Variants in CNTNAP5 observed in about 807,000 individuals in gnomAD.
CNTNAP5 encodes contactin associated protein family member 5.
A neutral mutation model predicts 150.2 loss-of-function variants in CNTNAP5; 72 were observed. The ratio of observed to expected loss-of-function variants is 0.48; its 90% confidence interval spans 0.40 to 0.58. The LOEUF (loss-of-function observed/expected upper bound fraction) is 0.58, where lower values mean the gene tolerates loss of function less well. CNTNAP5 is among the 20% of genes least tolerant of loss of function. The pLI is 0.00. For synonymous variants in CNTNAP5, 672 were observed against 619.8 expected, an observed-to-expected ratio of 1.08 and a Z score of -1.25; for missense variants, 1,636 against 1,626.2, an observed-to-expected ratio of 1.01 and a Z score of -0.10.
At chr2:124,371,961 A>G (rs930533478) in intron 3 of CNTNAP5, among the ~76,000 whole-genome samples, 2 of 151,992 alleles carry the variant, frequency 1.3e-5, no homozygotes, top group Non-Finnish European at 2.9e-5. Flanking sequence ...GTGAAGCATT[A>G]TATCTGGTGT....
intron 19 of CNTNAP5, among the ~76,000 whole-genome samples, chr2:124,823,227 G>A (rs1682527286): frequency 6.6e-6 from 1 of 152,122 alleles, no homozygotes; most frequent in Non-Finnish European, 1.5e-5. Flanking sequence ...ATTTCCTTGT[G>A]GGATGATTCT....
Position 124,280,487 on chromosome 2 carries a change from TG to T in CNTNAP5, c.381+38095del, listed in dbSNP as rs1687985532. Among the ~76,000 whole-genome samples the T allele has an allele frequency of 3.3e-5, 5 of 152,050 alleles. No individual in the cohort carries two copies. The South Asian group carries it at 1.0e-3, about 32-fold the overall frequency. On this transcript the variant is annotated intron_variant, in intron 3 of 23. Coordinates refer to ENST00000682447, the MANE Select transcript of CNTNAP5 (RefSeq NM_001367498.1). ...ACCCAGTCACTGTGATTATTTTTTT[TG>T]CCACAAGTTTTCTACACCACCAGTG...
chr2:124,399,647 T>C (rs1489919069), intron 3 of CNTNAP5, among the ~76,000 whole-genome samples: 1 of 152,128 alleles, frequency 6.6e-6, no homozygotes, highest in Non-Finnish European at 1.5e-5. Flanking sequence ...CAATTAAATG[T>C]AAAGGATGGC....
chr2:124,655,989 A>AAGAAAGAAAGAAAGAT, intron 13 of CNTNAP5, among the ~76,000 whole-genome samples: 1 of 149,614 alleles, frequency 6.7e-6, no homozygotes, highest in Admixed American at 6.7e-5. Context: ...GAAAGAAAGA[A>AAGAAAGAAAGAAAGAT]AGAAAGAAAA....
chr2:124,271,669 CT>C (rs549411468), intron 3 of CNTNAP5, among the ~76,000 whole-genome samples: 156 of 116,532 alleles, frequency 1.3e-3, no homozygotes, highest in Non-Finnish European at 2.5e-3. Flanking sequence ...ATCTATCTAT[CT>C]ATCTATCTAT....
intron 13 of CNTNAP5, among the ~76,000 whole-genome samples, chr2:124,709,143 A>G (rs1056610894): frequency 2.6e-5 from 4 of 152,130 alleles, no homozygotes; most frequent in Admixed American, 6.6e-5. Flanking sequence ...CTCTGCTGCA[A>G]TCAGAACTCT....
In CNTNAP5 at chr2:124,479,323, T is replaced by C. The variant is rs193074542; in HGVS notation, c.1062+4441T>C. Reference sequence around the variant, plus strand: ...TGCACTCCATCAGAAATGATGCTTTTTTTGAGCTGTCCTTTCTGAGTCTTC... The same window carrying C: ...TGCACTCCATCAGAAATGATGCTTTCTTTGAGCTGTCCTTTCTGAGTCTTC... On this transcript the variant is annotated intron_variant, in intron 7 of 23. Coordinates refer to ENST00000682447, the MANE Select transcript of CNTNAP5 (RefSeq NM_001367498.1). Among the ~76,000 whole-genome samples, 231 of 152,274 alleles carry C rather than the reference T, an allele frequency of 1.5e-3. 2 individuals carry two copies. Among genetic ancestry groups the C allele is most frequent in the Non-Finnish European group, 2.9e-4 (20 of 68,026 alleles).
Position 124,523,941 on chromosome 2 carries a change from A to G in CNTNAP5, c.1328-362A>G, listed in dbSNP as rs116436698. On this transcript the variant is annotated intron_variant, in intron 8 of 23. Coordinates refer to ENST00000682447, the MANE Select transcript of CNTNAP5 (RefSeq NM_001367498.1). ...CCACTCAGTTAAAATTGCTGGTAAT[A>G]TTTTGAGTTCGTTTATTTTTGTTTT... is the stretch of plus-strand genomic sequence containing the variant. Among the ~76,000 whole-genome samples the G allele has an allele frequency of 1.1e-3, 167 of 149,926 alleles. 1 individual carries two copies. Among genetic ancestry groups the G allele is most frequent in the Middle Eastern group, 3.4e-3 (1 of 292 alleles).
chr2:124,742,335 T>G (rs1281129309), intron 13 of CNTNAP5, among the ~76,000 whole-genome samples: 1 of 151,392 alleles, frequency 6.6e-6, no homozygotes, highest in Non-Finnish European at 1.5e-5. Context: ...AGAAAGACAC[T>G]GAACATTTGA....
At chr2:124,786,456 A>AAGG (rs1681592024) in intron 17 of CNTNAP5, among the ~76,000 whole-genome samples, 1 of 118,336 alleles carries the variant, frequency 8.5e-6, no homozygotes, top group Admixed American at 7.8e-5. Flanking sequence ...GGAAAGAAAG[A>AAGG]AAGAAAGAAA....
rs1687437912 is a variant in CNTNAP5 at position 124,260,946 on chromosome 2, A to G, written c.381+18553A>G. On this transcript the variant is annotated intron_variant, in intron 3 of 23. Coordinates refer to ENST00000682447, the MANE Select transcript of CNTNAP5 (RefSeq NM_001367498.1). ...TGAAAAATGACTGTATTTACCAAAT[A>G]ATTATTCCCTTTTAATATGTCATTT... Among the ~76,000 whole-genome samples, 4 of 152,142 alleles carry G rather than the reference A, an allele frequency of 2.6e-5. No individual in the cohort carries two copies. The South Asian group carries it at 6.2e-4, about 24-fold the overall frequency.
At chr2:124,510,915 A>G (rs1694572759) in intron 8 of CNTNAP5, among the ~76,000 whole-genome samples, 2 of 152,184 alleles carry the variant, frequency 1.3e-5, no homozygotes, top group South Asian at 4.1e-4. Context: ...AACTACCTTG[A>G]TAACCTAATT....
chr2:124,186,160 T>C (rs1286660572), intron 1 of CNTNAP5, among the ~76,000 whole-genome samples: 1 of 152,150 alleles, frequency 6.6e-6, no homozygotes, highest in African/African-American at 2.4e-5. Flanking sequence ...TGATGCTGAT[T>C]GTGTTTATCC....
intron 2 of CNTNAP5, among the ~76,000 whole-genome samples, chr2:124,236,436 C>A (rs79658171): frequency 0.076 from 11,557 of 152,270 alleles, 612 homozygotes; most frequent in Non-Finnish European, 0.12. Flanking sequence ...TCTTGCCCAG[C>A]CACAGGTCCT....
chr2:124,516,034 A>G (rs1402574471), intron 8 of CNTNAP5, among the ~76,000 whole-genome samples: 1 of 152,184 alleles, frequency 6.6e-6, no homozygotes. Context: ...GGACCACTAA[A>G]GAAATTTCCA....
At chr2:124,852,043 G>A (rs1454437211) in intron 19 of CNTNAP5, among the ~76,000 whole-genome samples, 1 of 152,190 alleles carries the variant, frequency 6.6e-6, no homozygotes, top group Non-Finnish European at 1.5e-5. Context: ...AGAGCTCTGA[G>A]TAGATGGTGA....
intron 21 of CNTNAP5, among the ~76,000 whole-genome samples, chr2:124,875,578 G>A (rs1338744135): frequency 1.3e-5 from 2 of 151,796 alleles, no homozygotes; most frequent in South Asian, 2.1e-4. Flanking sequence ...ACAGAGCTGT[G>A]TAAGTATTTC....
At chr2:124,081,479 AT>A (rs1019754911) in intron 1 of CNTNAP5, among the ~76,000 whole-genome samples, 3 of 152,164 alleles carry the variant, frequency 2.0e-5, no homozygotes, top group Non-Finnish European at 4.4e-5. Context: ...TAGCTTTTAA[AT>A]TGTGGAAGCT....
chr2:124,776,806 A>G (rs1015103420), intron 17 of CNTNAP5, among the ~76,000 whole-genome samples: 28 of 152,170 alleles, frequency 1.8e-4, no homozygotes, highest in African/African-American at 6.8e-4. Flanking sequence ...CATGGAGGAT[A>G]ATAATTATCA....
Sources: allele counts gnomAD v4.1 joint callset (sites outside exome capture counted in the v4.1 genomes callset), GRCh38; gene constraint gnomAD v4.1.1; transcripts MANE v1.5; gene names NCBI Gene and HGNC (gene_info 2026-07-23, HGNC 2026-07-21).